AMPD3: variants seen among roughly 807,000 people sequenced by gnomAD.
AMPD3 encodes adenosine monophosphate deaminase 3, also known as AMP deaminase 3.
Under a neutral mutation model 82.3 loss-of-function variants are expected in AMPD3, and 57 were observed. That is an observed-to-expected ratio of 0.69 (90% confidence interval 0.56 to 0.86). The LOEUF is 0.86. Ranked by LOEUF, AMPD3 falls within the 40% of genes least tolerant of loss-of-function variation. AMPD3 has a pLI of 0.00. For missense variants in AMPD3, 870 were observed against 1,003.8 expected (o/e 0.87, Z 1.80); for synonymous variants, 381 against 394.7 (o/e 0.97, Z 0.41).
chr11:10,450,962 C>T, upstream of AMPD3: 6 of 1,506,686 alleles, frequency 4.0e-6, no homozygotes, highest in South Asian at 3.7e-5. Flanking sequence ...AGCCCCGCTC[C>T]GCTCTGCCCA....
chr11:10,502,825 G>A lies in AMPD3; in HGVS notation c.1947G>A (p.Arg649=). Residue 649 remains arginine, a synonymous_variant, in exon 13 of 15, where the codon AGG becomes AGA. Coordinates refer to ENST00000396553, the MANE Select transcript of AMPD3 (RefSeq NM_001025389.2). The part of the protein sequence containing the change: ...LFLEYSKNPL[R]EFLHKGLHVS... ...TCGAATATTCCAAGAACCCTCTGAG[G>A]GAATTCCTACACAAGGGACTGCATG... The A allele has an allele frequency of 4.3e-6, 7 of 1,614,150 alleles. No homozygotes were observed. Among genetic ancestry groups the A allele is most frequent in the Non-Finnish European group, 5.1e-6 (6 of 1,180,012 alleles).
At chr11:10,457,461 C>G (rs1215425418) in intron 1 of AMPD3, among the ~76,000 whole-genome samples, 1 of 152,144 alleles carries the variant, frequency 6.6e-6, no homozygotes, top group Non-Finnish European at 1.5e-5. Flanking sequence ...TAACTGACCA[C>G]AGGACCTGTT....
chr11:10,479,952 G>C (rs965038165), intron 3 of AMPD3: 5 of 985,318 alleles, frequency 5.1e-6, no homozygotes, highest in Admixed American at 6.1e-5. Context: ...TGAGTCTTTG[G>C]TGTTCACCCA....
intron 2 of AMPD3, among the ~76,000 whole-genome samples, chr11:10,461,976 A>G (rs1848285269): frequency 6.6e-6 from 1 of 151,992 alleles, no homozygotes; most frequent in Non-Finnish European, 1.5e-5. Context: ...AATACACACC[A>G]TTTCCAAATG....
At chr11:10,460,913 C>T (rs1848250709) in intron 1 of AMPD3, 8 of 985,364 alleles carry the variant, frequency 8.1e-6, no homozygotes, top group Non-Finnish European at 9.6e-6. Flanking sequence ...AAAGAGTGTT[C>T]TAAAACCTTT....
intron 5 of AMPD3, 90 bp downstream of exon 5, chr11:10,485,129 GT>G: frequency 7.9e-7 from 1 of 1,262,658 alleles, no homozygotes; most frequent in Non-Finnish European, 1.1e-6. Flanking sequence ...CTGCCCTGGG[GT>G]CCCCTGTACT....
chr11:10,458,777 G>A lies in AMPD3; in HGVS notation c.-5-2738G>A, dbSNP rs142977145. 3.4e-3 allele frequency among the ~76,000 whole-genome samples: 525 copies of A among 152,188 alleles called. 2 individuals are homozygous for A. The highest frequency in any genetic ancestry group is 0.012 in the African/African-American group (490 of 41,518). On this transcript the variant is annotated intron_variant, in intron 1 of 14. Transcript: ENST00000396553. ...AATATCCTTGTGCTTTTCATTCTTA[G>A]GATTCTTTTTTTGAAAGAAATTTGT... is the stretch of plus-strand genomic sequence containing the variant.
chr11:10,471,128 G>A (rs1848577065), intron 2 of AMPD3, among the ~76,000 whole-genome samples: 1 of 152,112 alleles, frequency 6.6e-6, no homozygotes, highest in South Asian at 2.1e-4. Context: ...TAGACCAATG[G>A]AACAGAACAG....
chr11:10,474,746 G>A (rs1053560912), intron 2 of AMPD3, among the ~76,000 whole-genome samples: 4 of 152,238 alleles, frequency 2.6e-5, no homozygotes, highest in Non-Finnish European at 5.9e-5. Flanking sequence ...GCTTGGCCTG[G>A]AGCTGGTGTC....
chr11:10,461,532 T>G lies in AMPD3; in HGVS notation c.13T>G (p.Phe5Val). ...TTTGCTAGCTGAGATGCCGCGGCAG[T>G]TTCCCAAGCTGAACATCTCTGAAGT... MPRQ[F>V]PKLNISEVDE... The change falls in exon 2 of 15, where the codon TTT becomes GTT. Residue 5 changes from phenylalanine (F) to valine (V), a missense_variant. Transcript: ENST00000396553. 1 of 1,614,128 alleles carries G rather than the reference T, an allele frequency of 6.2e-7. No homozygotes were observed. Among genetic ancestry groups the G allele is most frequent in the Non-Finnish European group, 8.5e-7 (1 of 1,180,026 alleles).
chr11:10,450,555 C>A, upstream of AMPD3: 4 of 986,468 alleles, frequency 4.1e-6, no homozygotes, highest in Non-Finnish European at 3.6e-6. Flanking sequence ...GGAAGCCCGG[C>A]GGGGCCAGCG....
chr11:10,482,782 T>C (rs1848951838), intron 4 of AMPD3, among the ~76,000 whole-genome samples: 1 of 152,168 alleles, frequency 6.6e-6, no homozygotes, highest in African/African-American at 2.4e-5. Context: ...TGCCTTGGCC[T>C]CCCAAAGTGC....
intron 2 of AMPD3, chr11:10,473,683 C>T (rs747251073): frequency 1.3e-5 from 11 of 821,916 alleles, no homozygotes; most frequent in Non-Finnish European, 1.5e-5. Flanking sequence ...TAGTGCCCAT[C>T]GTGCAGCATA....
intron 6 of AMPD3, among the ~76,000 whole-genome samples, chr11:10,488,922 G>GAAGAC (rs1442321145): frequency 1.3e-5 from 2 of 152,180 alleles, no homozygotes; most frequent in Non-Finnish European, 2.9e-5. Context: ...AATGCAGATG[G>GAAGAC]AAGACCCTAC....
chr11:10,506,013 T>A lies in AMPD3; in HGVS notation c.*129T>A. On this transcript the variant is annotated 3_prime_UTR_variant, in exon 15 of 15. Transcript: ENST00000396553. This position sits in a 1 kb window ranked among gnomAD's most constrained non-coding sequence, Gnocchi z 4.1. ...TGCCTCTGAAGAAATTTTAAACTGG[T>A]GATTTTGGTTGCACTGCTCACTTTA... is the stretch of plus-strand genomic sequence containing the variant. 9.5e-7 allele frequency: 1 copy of A among 1,057,870 alleles called. No homozygotes were observed. Among genetic ancestry groups the A allele is most frequent in the Non-Finnish European group, 1.4e-6 (1 of 702,152 alleles). 65.5% of individuals were successfully genotyped at this position (1,057,870 alleles called of 1,614,324 possible).
In AMPD3 at chr11:10,487,368, C is replaced by A. The variant is rs745851931; in HGVS notation, c.939+4C>A. ...GGACTTCTATAACGTGAGAAAGGTG[C>A]GTTAGGGGCGAGTGTTCACAGCTGC... is the stretch of plus-strand genomic sequence containing the variant. On this transcript the variant is annotated splice_donor_region_variant and intron_variant, in intron 6 of 14. Coordinates refer to ENST00000396553, the MANE Select transcript of AMPD3 (RefSeq NM_001025389.2). 4 of 1,613,722 alleles carry A rather than the reference C, an allele frequency of 2.5e-6. No homozygotes were observed. The highest frequency in any genetic ancestry group is 1.3e-5 in the African/African-American group (1 of 74,896).
intron 2 of AMPD3, chr11:10,473,325 A>T (rs1848646964): frequency 5.5e-6 from 5 of 908,952 alleles, no homozygotes; most frequent in Non-Finnish European, 6.6e-6. Context: ...CACTTAAGTT[A>T]ACAGATAGTA....
At chr11:10,482,001 T>G (rs1591464446) in intron 3 of AMPD3, 62 bp from the exon 4 acceptor site, 1 of 1,608,584 alleles carries the variant, frequency 6.2e-7, no homozygotes, top group Non-Finnish European at 8.5e-7. Context: ...AGCACATCTT[T>G]CCAAGGATGG....
chr11:10,474,448 A>C lies in AMPD3; in HGVS notation c.222-4078A>C, dbSNP rs375026610. Reference sequence around the variant, plus strand: ...GAAGGGCTCCTCACTTTAGCATTTGAGTGCTATATAGGGAAGGCCCTGGGA... The same window carrying C: ...GAAGGGCTCCTCACTTTAGCATTTGCGTGCTATATAGGGAAGGCCCTGGGA... On this transcript the variant is annotated intron_variant, in intron 2 of 14. Transcript: ENST00000396553. 7.6e-4 allele frequency among the ~76,000 whole-genome samples: 116 copies of C among 152,212 alleles called. 2 individuals are homozygous for C. In the South Asian group the frequency reaches 0.023, roughly 30 times the overall value.
Sources: allele counts gnomAD v4.1 joint callset (sites outside exome capture counted in the v4.1 genomes callset), GRCh38; gene constraint gnomAD v4.1.1; non-coding constraint Gnocchi (gnomAD v3.1); transcripts MANE v1.5; gene names NCBI Gene and HGNC (gene_info 2026-07-23, HGNC 2026-07-21).